ELP3: variants seen among roughly 807,000 people sequenced by gnomAD.
ELP3 encodes the protein elongator acetyltransferase complex subunit 3.
ELP3 carries 56 observed loss-of-function variants against 74.9 expected under a neutral mutation model. The ratio of observed to expected loss-of-function variants is 0.75; its 90% CI spans 0.60 to 0.93. The LOEUF (loss-of-function observed/expected upper bound fraction) is 0.93. Ranked by LOEUF, ELP3 falls within the 40% of genes least tolerant of loss-of-function variation. ELP3 has a pLI of 0.00. For missense variants in ELP3, 573 were observed against 686.5 expected, an observed-to-expected ratio of 0.83 and a Z score of 1.85; for synonymous variants, 222 against 239.8, an observed-to-expected ratio of 0.93 and a Z score of 0.68.
intron 2 of ELP3, among the ~76,000 whole-genome samples, chr8:28,098,361 C>T (rs1289724130): frequency 6.6e-6 from 1 of 152,118 alleles, no homozygotes; most frequent in Non-Finnish European, 1.5e-5. Flanking sequence ...TATTTTACCC[C>T]TTCCTTGAAT....
intron 14 of ELP3, among the ~76,000 whole-genome samples, chr8:28,183,535 C>A (rs1024437315): frequency 2.6e-5 from 4 of 152,264 alleles, no homozygotes; most frequent in African/African-American, 9.6e-5. Flanking sequence ...GCAATTCTCA[C>A]CCCTCAGCCT....
At chr8:28,169,749 A>G (rs1459688971) in intron 14 of ELP3, among the ~76,000 whole-genome samples, 1 of 152,200 alleles carries the variant, frequency 6.6e-6, no homozygotes, top group African/African-American at 2.4e-5. Context: ...CAACATCTCT[A>G]ACAAGGCTGT....
rs72105276 is a variant in ELP3, at chr8:28,119,572, TTA to T, written c.617+6455_617+6456del. On this transcript the variant is annotated intron_variant, in intron 7 of 14. Coordinates refer to ENST00000256398, the MANE Select transcript of ELP3 (RefSeq NM_018091.6). ...ACAGTACAAAACAACTTGTGGCGTT[TTA>T]TATATATATATATATATATATATAT... Among the ~76,000 whole-genome samples the T allele has an allele frequency of 7.3e-4, 34 of 46,762 alleles. 1 individual carries two copies. Among genetic ancestry groups the T allele is most frequent in the South Asian group, 2.5e-3 (2 of 808 alleles). 30.7% of individuals were successfully genotyped at this position (46,762 alleles called of 152,430 possible). A position where few individuals can be genotyped will look rare whatever the true frequency, so the allele number is the denominator to read the frequency against.
intron 10 of ELP3, among the ~76,000 whole-genome samples, chr8:28,154,495 A>C (rs1386481569): frequency 1.3e-5 from 2 of 152,146 alleles, no homozygotes; most frequent in Non-Finnish European, 2.9e-5. Context: ...TATATATGAG[A>C]TGTATAGCCA....
chr8:28,126,236 T>C (rs952389953), intron 7 of ELP3, among the ~76,000 whole-genome samples: 1 of 151,982 alleles, frequency 6.6e-6, no homozygotes, highest in African/African-American at 2.4e-5. Flanking sequence ...AGGGGAGAAA[T>C]GTATTGGAGC....
Position 28,184,587 on chromosome 8 carries a change from T to C in ELP3, c.1568-5062T>C, listed in dbSNP as rs117117644. 1.5e-3 allele frequency among the ~76,000 whole-genome samples: 226 copies of C among 152,324 alleles called. 5 individuals are homozygous for C. The East Asian group carries it at 0.036, about 25-fold the overall frequency. On this transcript the variant is annotated intron_variant, in intron 14 of 14. Coordinates refer to ENST00000256398, the MANE Select transcript of ELP3 (RefSeq NM_018091.6). ...CAGGGCACTCTTGATTGTTGAACTT[T>C]CTGGTTATCCAAGGACTGTCCAGTC... is the stretch of plus-strand genomic sequence containing the variant.
rs1416213246 is a variant in ELP3 at position 28,099,783 on chromosome 8, CT to C, written c.120-43del. ...TAGATCATCCTCTTGGTAGCTTGTCCTTAAATAACCGTAATCTTGATAATGT... is the reference window on the plus strand; with the variant it reads ...TAGATCATCCTCTTGGTAGCTTGTCCTAAATAACCGTAATCTTGATAATGT... On this transcript the variant is annotated intron_variant, in intron 2 of 14. Transcript: ENST00000256398. The C allele has an allele frequency of 1.9e-6, 3 of 1,610,910 alleles. No individual in the cohort carries two copies. In the South Asian group the frequency reaches 3.3e-5, roughly 18 times the overall value.
intron 10 of ELP3, among the ~76,000 whole-genome samples, chr8:28,145,084 A>G (rs1027543567): frequency 1.3e-5 from 2 of 152,146 alleles, no homozygotes; most frequent in Admixed American, 6.6e-5. Context: ...AAAGCTAGAT[A>G]GTAAAATTTT....
At chr8:28,154,168 G>A (rs1293832680) in intron 10 of ELP3, among the ~76,000 whole-genome samples, 1 of 152,178 alleles carries the variant, frequency 6.6e-6, no homozygotes, top group Non-Finnish European at 1.5e-5. Flanking sequence ...CTGTGGCCAT[G>A]AGTTCAATGT....
intron 14 of ELP3, among the ~76,000 whole-genome samples, chr8:28,177,456 G>A (rs1396207437): frequency 6.6e-6 from 1 of 152,120 alleles, no homozygotes; most frequent in East Asian, 1.9e-4. Context: ...TGTTAATGTT[G>A]GTAGATACAT....
At chr8:28,119,945 G>A (rs1812302994) in intron 7 of ELP3, among the ~76,000 whole-genome samples, 1 of 152,022 alleles carries the variant, frequency 6.6e-6, no homozygotes, top group South Asian at 2.1e-4. Context: ...TACCTATTTA[G>A]TGCTGAGTAG....
chr8:28,151,750 G>A (rs1275534164), intron 10 of ELP3, among the ~76,000 whole-genome samples: 2 of 152,160 alleles, frequency 1.3e-5, no homozygotes, highest in Non-Finnish European at 1.5e-5. Context: ...GGTCAGTTAG[G>A]CTCTGGTTAA....
rs565650180 is a variant in ELP3 at position 28,184,812 on chromosome 8, G to A, written c.1568-4837G>A. On this transcript the variant is annotated intron_variant, in intron 14 of 14. Coordinates refer to ENST00000256398, the MANE Select transcript of ELP3 (RefSeq NM_018091.6). ...TAAACATGTCTCCAGGAACTGAGCT[G>A]AGCAGAACCAAAAGGAAATGTTAGA... Among the ~76,000 whole-genome samples the A allele has an allele frequency of 3.3e-5, 5 of 152,242 alleles. No individual in the cohort carries two copies. The East Asian group carries it at 9.7e-4, about 29-fold the overall frequency.
At chr8:28,113,659 C>T (rs1182223666) in intron 7 of ELP3, 5 of 152,196 alleles carry the variant, frequency 3.3e-5, no homozygotes, top group African/African-American at 1.2e-4. Flanking sequence ...ATTTATAATG[C>T]ACAGAAATGT....
At chr8:28,183,032 G>A (rs1038021858) in intron 14 of ELP3, among the ~76,000 whole-genome samples, 2 of 152,098 alleles carry the variant, frequency 1.3e-5, no homozygotes, top group African/African-American at 4.8e-5. Flanking sequence ...TACTCCTCTC[G>A]GCCCATCCCA....
chr8:28,161,902 C>A, intron 13 of ELP3, 95 bp from the exon 14 acceptor site: 2 of 1,191,130 alleles, frequency 1.7e-6, no homozygotes, highest in Non-Finnish European at 2.4e-6. Flanking sequence ...CAGATTTTAG[C>A]AACTACTAAA....
intron 14 of ELP3, among the ~76,000 whole-genome samples, chr8:28,173,800 C>T (rs866773700): frequency 6.6e-6 from 1 of 151,866 alleles, no homozygotes; most frequent in Non-Finnish European, 1.5e-5. Context: ...TGGAATGTTG[C>T]ATTTTGTCTT....
At chr8:28,142,083 G>A (rs1813262859) in intron 10 of ELP3, among the ~76,000 whole-genome samples, 1 of 152,136 alleles carries the variant, frequency 6.6e-6, no homozygotes, top group Non-Finnish European at 1.5e-5. Flanking sequence ...ATACCACTAT[G>A]CGACATTATC....
chr8:28,141,361 A>G (rs1813230861), intron 10 of ELP3, among the ~76,000 whole-genome samples: 1 of 152,262 alleles, frequency 6.6e-6, no homozygotes, highest in Non-Finnish European at 1.5e-5. Flanking sequence ...GAAACATTCT[A>G]AAACATAACT....
Sources: gnomAD v4.1 joint callset for allele counts (sites outside exome capture counted in the v4.1 genomes callset) on GRCh38, gnomAD v4.1.1 for gene constraint, MANE v1.5 for transcripts, NCBI Gene and HGNC (gene_info 2026-07-23, HGNC 2026-07-21) for gene names.